Variants in CDH10 observed in about 807,000 individuals in gnomAD.
CDH10 encodes the protein cadherin-10.
Under a neutral mutation model 73.1 loss-of-function variants are expected in CDH10, and 30 were observed. That is an observed-to-expected ratio of 0.41 (90% CI 0.31 to 0.56). The LOEUF is 0.56. Among genes scored for constraint, CDH10 ranks in the 20% least tolerant of loss-of-function variants. The pLI is 0.27. For missense variants in CDH10, 815 were observed against 973.7 expected, an observed-to-expected ratio of 0.84 and a Z score of 2.17; for synonymous variants, 345 against 348.2, an observed-to-expected ratio of 0.99 and a Z score of 0.10.
intron 1 of CDH10, among the ~76,000 whole-genome samples, chr5:24,597,145 T>G (rs1468303948): frequency 6.6e-6 from 1 of 152,090 alleles, no homozygotes; most frequent in Non-Finnish European, 1.5e-5. Context: ...TTAAGAATTA[T>G]TAAAACATCC....
At chr5:24,625,145 T>G (rs900936949) in intron 1 of CDH10, among the ~76,000 whole-genome samples, 1 of 152,120 alleles carries the variant, frequency 6.6e-6, no homozygotes, top group African/African-American at 2.4e-5. Flanking sequence ...TAACACAGGC[T>G]GAAAATATAA....
At chr5:24,586,804 CAAT>C (rs1236909100) in intron 2 of CDH10, among the ~76,000 whole-genome samples, 3 of 145,202 alleles carry the variant, frequency 2.1e-5, no homozygotes, top group South Asian at 2.2e-4. Flanking sequence ...TGATTAATAA[CAAT>C]AATAATAATA....
intron 1 of CDH10, among the ~76,000 whole-genome samples, chr5:24,617,780 G>A (rs957458386): frequency 3.9e-5 from 6 of 152,080 alleles, no homozygotes; most frequent in Non-Finnish European, 8.8e-5. Context: ...GCCTCCCAGA[G>A]GCCTCCCTGC....
chr5:24,498,507 T>A lies in CDH10; in HGVS notation c.1406A>T (p.Glu469Val), dbSNP rs2111685531. 1 of 1,600,740 alleles carries A rather than the reference T, an allele frequency of 6.2e-7. No individual in the cohort carries two copies. Among genetic ancestry groups the A allele is most frequent in the South Asian group, 1.1e-5 (1 of 89,890 alleles). Residue 469 changes from glutamate to valine, a missense_variant, in exon 9 of 12, where the codon GAG (glutamate) becomes GTG (valine). This residue lies in a region of CDH10 where 516 missense variants were observed against 636.6 expected (regional missense o/e 0.81). Coordinates refer to ENST00000264463, the MANE Select transcript of CDH10 (RefSeq NM_006727.5). Reference protein sequence around the residue: ...VIAAEINNPKETTRVAVFVRI... With the variant: ...VIAAEINNPKVTTRVAVFVRI... ...CACAAAAACAGCCACGCGTGTTGTC[T>A]CTTTGGGATTGTCTGGAAAAGGGGA...
At chr5:24,491,493 G>C (rs1306507227) in intron 11 of CDH10, 83 bp downstream of exon 11, 2 of 1,241,528 alleles carry the variant, frequency 1.6e-6, no homozygotes, top group African/African-American at 3.0e-5. Flanking sequence ...GTGGTTTTGG[G>C]GGAGGGATTT....
chr5:24,635,895 A>T (rs1196220725), intron 1 of CDH10, among the ~76,000 whole-genome samples: 1 of 152,002 alleles, frequency 6.6e-6, no homozygotes, highest in Non-Finnish European at 1.5e-5. Flanking sequence ...TGAAGAATTT[A>T]TTACATTGTC....
rs763581492 is a variant in CDH10, at chr5:24,487,851, C to T, written c.2179G>A (p.Ala727Thr). ...RLKEHDLDPT[A>T]PPYDSLATYA... ...GTTGCAAGTGAGTCGTAGGGGGGTG[C>T]GGTGGGGTCAAGATCATGCTCTTTT... The change falls in exon 12 of 12, where the codon GCA becomes ACA. Residue 727 changes from alanine (A) to threonine (T), a missense_variant. Ala to Thr is a moderately conservative substitution (Grantham distance 58). Coordinates refer to ENST00000264463, the MANE Select transcript of CDH10 (RefSeq NM_006727.5). 6 of 1,613,662 alleles carry T rather than the reference C, an allele frequency of 3.7e-6. No individual in the cohort carries two copies. The highest frequency in any genetic ancestry group is 1.6e-4 in the Middle Eastern group (1 of 6,062).
chr5:24,535,068 T>G, intron 5 of CDH10, 44 bp downstream of exon 5: 2 of 1,494,796 alleles, frequency 1.3e-6, no homozygotes, highest in Non-Finnish European at 1.8e-6. Context: ...CTTTTTTTAC[T>G]CTAAATCTTT....
At chr5:24,596,635 T>A (rs78517179) in intron 1 of CDH10, among the ~76,000 whole-genome samples, 1 of 151,982 alleles carries the variant, frequency 6.6e-6, no homozygotes, top group Non-Finnish European at 1.5e-5. Context: ...AGATAATTTT[T>A]AAAACATCAT....
At chr5:24,636,131 C>T (rs1747858991) in intron 1 of CDH10, among the ~76,000 whole-genome samples, 1 of 151,878 alleles carries the variant, frequency 6.6e-6, no homozygotes, top group Admixed American at 6.6e-5. Flanking sequence ...AGCACTAGAA[C>T]ACCTATTGTG....
intron 2 of CDH10, among the ~76,000 whole-genome samples, chr5:24,587,403 T>C (rs1415191870): frequency 6.6e-6 from 1 of 152,174 alleles, no homozygotes; most frequent in Non-Finnish European, 1.5e-5. Context: ...TAATTGCACA[T>C]ATAATTATGT....
chr5:24,560,885 T>C (rs1744936681), intron 2 of CDH10, among the ~76,000 whole-genome samples: 1 of 152,154 alleles, frequency 6.6e-6, no homozygotes, highest in South Asian at 2.1e-4. Flanking sequence ...TGCCTTTTTT[T>C]ACTATAGTGA....
rs553620129 is a variant in CDH10 at position 24,628,819 on chromosome 5, GC to G, written c.-124+15774del. Among the ~76,000 whole-genome samples, 632 of 141,888 alleles carry G rather than the reference GC, an allele frequency of 4.5e-3. 1 individual carries two copies. The highest frequency in any genetic ancestry group is 8.5e-3 in the South Asian group (37 of 4,364). The allele number at this position is 141,888 out of a possible 152,430, so 93.1% of individuals were successfully genotyped here. A position where few individuals can be genotyped will look rare whatever the true frequency, so the allele number is the denominator to read the frequency against. ...AAATACAAATTCTAGAACACTTGCC[GC>G]CCCCCCCACCCCGCTCCCCACCTTG... On this transcript the variant is annotated intron_variant, in intron 1 of 11. Coordinates refer to ENST00000264463, the MANE Select transcript of CDH10 (RefSeq NM_006727.5).
intron 5 of CDH10, among the ~76,000 whole-genome samples, chr5:24,516,560 T>A (rs1302121767): frequency 1.3e-5 from 2 of 152,102 alleles, no homozygotes; most frequent in African/African-American, 2.4e-5. Flanking sequence ...TATTTTTACT[T>A]ATGCTTTTAT....
At chr5:24,502,096 ATT>A (rs1404325325) in intron 8 of CDH10, among the ~76,000 whole-genome samples, 58 of 150,370 alleles carry the variant, frequency 3.9e-4, no homozygotes, top group Admixed American at 2.1e-3. Context: ...ATTTTTTTGT[ATT>A]TTTTTAGTAG....
intron 1 of CDH10, among the ~76,000 whole-genome samples, chr5:24,598,951 G>A (rs1422525452): frequency 6.6e-6 from 1 of 152,018 alleles, no homozygotes; most frequent in Non-Finnish European, 1.5e-5. Context: ...CATATGGCAG[G>A]GATAAAGAGG....
At chr5:24,628,189 A>T (rs962031731) in intron 1 of CDH10, among the ~76,000 whole-genome samples, 3 of 152,210 alleles carry the variant, frequency 2.0e-5, no homozygotes, top group African/African-American at 7.2e-5. Flanking sequence ...TATCTTGCAC[A>T]TCAAAGACTC....
chr5:24,527,095 C>G (rs927881094), intron 5 of CDH10, among the ~76,000 whole-genome samples: 2 of 150,304 alleles, frequency 1.3e-5, no homozygotes, highest in African/African-American at 4.9e-5. Flanking sequence ...ATTATTTAGA[C>G]AATTATGGCA....
intron 2 of CDH10, among the ~76,000 whole-genome samples, chr5:24,551,905 A>G (rs923315880): frequency 6.6e-6 from 1 of 152,106 alleles, no homozygotes; most frequent in South Asian, 2.1e-4. Flanking sequence ...TCTTTTAGAA[A>G]AATCATCTTA....
Sources: allele counts gnomAD v4.1 joint callset (sites outside exome capture counted in the v4.1 genomes callset), GRCh38; gene constraint gnomAD v4.1.1; regional missense constraint gnomAD v4.1.1; transcripts MANE v1.5; gene names NCBI Gene and HGNC (gene_info 2026-07-23, HGNC 2026-07-21).